CDNF: variants seen among roughly 807,000 people sequenced by gnomAD.
The protein encoded by CDNF is cerebral dopamine neurotrophic factor.
Under a neutral mutation model 14.8 loss-of-function variants are expected in CDNF, and 9 were observed. The ratio of observed to expected loss-of-function variants is 0.61; its 90% CI spans 0.37 to 1.06. The LOEUF is 1.06. CDNF is among the 50% of genes least tolerant of loss of function. The pLI, the probability that CDNF is intolerant of heterozygous loss-of-function variation, is 0.01. For synonymous variants in CDNF, 86 were observed against 87.2 expected (o/e 0.99, Z 0.07); for missense variants, 228 against 228.4 (o/e 1.00, Z 0.01).
intron 3 of CDNF, among the ~76,000 whole-genome samples, chr10:14,824,605 CAAAAAAAAAAA>C (rs572648812): frequency 1.5e-5 from 1 of 64,664 alleles, no homozygotes; most frequent in Non-Finnish European, 3.2e-5. Flanking sequence ...GACTTCCCCT[CAAAAAAAAAAA>C]AAAAAAAAAA....
chr10:14,820,566 A>C (rs1833729519), intron 3 of CDNF, among the ~76,000 whole-genome samples: 1 of 151,764 alleles, frequency 6.6e-6, no homozygotes, highest in South Asian at 2.1e-4. Context: ...ACCTCTACTA[A>C]AAAAAGAAAC....
chr10:14,819,324 G>A lies in CDNF; in HGVS notation c.*656C>T. On this transcript the variant is annotated 3_prime_UTR_variant, in exon 4 of 4. Coordinates refer to ENST00000465530, the MANE Select transcript of CDNF (RefSeq NM_001029954.3). ...AACTTGTCTGATATGTGACTGTAAG[G>A]AATGAAAAAGACCTTGAGCTTGGTT... is the stretch of plus-strand genomic sequence containing the variant. 6.6e-6 allele frequency: 1 copy of A among 152,164 alleles called. No homozygotes were observed. The highest frequency in any genetic ancestry group is 1.9e-4 in the East Asian group (1 of 5,200). The allele number at this position is 152,164 out of a possible 1,614,324, so 9.4% of individuals were successfully genotyped here.
rs371369967 is a variant in CDNF, at chr10:14,823,747, G to C, written c.385+1732C>G. Among the ~76,000 whole-genome samples, 19 of 152,284 alleles carry C rather than the reference G, an allele frequency of 1.2e-4. No homozygotes were observed. In the East Asian group the frequency reaches 2.3e-3, roughly 19 times the overall value. ...TCACCATGTTGCCCAGGTTGGTCTT[G>C]AACTCCTGGGCTCAAATGATCCTCC... On this transcript the variant is annotated intron_variant, in intron 3 of 3. Coordinates refer to ENST00000465530, the MANE Select transcript of CDNF (RefSeq NM_001029954.3).
At chr10:14,837,689 T>C in intron 1 of CDNF, 143 bp downstream of exon 1, 1 of 596,842 alleles carries the variant, frequency 1.7e-6, no homozygotes, top group South Asian at 2.1e-5. Flanking sequence ...CGAGCTGGGC[T>C]TGGGCGATCT....
In CDNF at chr10:14,820,155, T is replaced by C; in HGVS notation, c.389A>G (p.Lys130Arg). Reference sequence around the variant, plus strand: ...GTCAACTGATGCCAAGTCCAGTGTTTTTTCTAAATGGCAAAAAGGAAAAAA... The same window carrying C: ...GTCAACTGATGCCAAGTCCAGTGTTCTTTCTAAATGGCAAAAAGGAAAAAA... ...DSQICELKYE[K>R]TLDLASVDLR... The change falls in exon 4 of 4, where the codon AAA becomes AGA. Residue 130 changes from lysine to arginine, a missense_variant. Lys to Arg is a conservative substitution (Grantham distance 26). Transcript: ENST00000465530. The C allele has an allele frequency of 6.2e-7, 1 of 1,603,448 alleles. No individual in the cohort carries two copies.
At chr10:14,835,778 T>C (rs1833880941) in intron 1 of CDNF, among the ~76,000 whole-genome samples, 1 of 152,188 alleles carries the variant, frequency 6.6e-6, no homozygotes, top group African/African-American at 2.4e-5. Context: ...ATAATAGGAC[T>C]CACAGACTTG....
chr10:14,826,200 A>C lies in CDNF; in HGVS notation c.244-580T>G, dbSNP rs1470466327. On this transcript the variant is annotated intron_variant, in intron 2 of 3. Coordinates refer to ENST00000465530, the MANE Select transcript of CDNF (RefSeq NM_001029954.3). Reference sequence around the variant, plus strand: ...GCAGCAGAAGCAGAAGCAGCAGAAGAAGAAGAAGAAGAAGAAGAAGCAGAA... The same window carrying C: ...GCAGCAGAAGCAGAAGCAGCAGAAGCAGAAGAAGAAGAAGAAGAAGCAGAA... Among the ~76,000 whole-genome samples, 65 of 147,972 alleles carry C rather than the reference A, an allele frequency of 4.4e-4. 2 individuals carry two copies. The highest frequency in any genetic ancestry group is 1.2e-3 in the African/African-American group (48 of 38,488).
rs1462290329 is a variant in CDNF, at chr10:14,825,498, C to A, written c.366G>T (p.Gln122His). The change falls in exon 3 of 4, where the codon CAG (glutamine) becomes CAT (histidine). Residue 122 changes from glutamine (Q) to histidine (H), a missense_variant. Gln to His is a conservative substitution (Grantham distance 24, BLOSUM62 0). Coordinates refer to ENST00000465530, the MANE Select transcript of CDNF (RefSeq NM_001029954.3). ...TTATACCATATTTCAGCTCACAGAT[C>A]TGGCTATCCAACTTCTTCAGCTTCT... is the stretch of plus-strand genomic sequence containing the variant. ...ICEKLKKLDS[Q>H]ICELKYEKTL... 6.2e-7 allele frequency: 1 copy of A among 1,614,078 alleles called. No homozygotes were observed. The highest frequency in any genetic ancestry group is 8.5e-7 in the Non-Finnish European group (1 of 1,179,998).
In CDNF at chr10:14,820,082, C is replaced by A. The variant is rs367910630; in HGVS notation, c.462G>T (p.Trp154Cys). 1.2e-5 allele frequency: 19 copies of A among 1,614,020 alleles called. No homozygotes were observed. Among genetic ancestry groups the A allele is most frequent in the Non-Finnish European group, 1.6e-5 (19 of 1,180,002 alleles). ...VAELKQILHS[W>C]GEECRACAEK... ...CTGCACAGGCCCTGCACTCCTCCCCCCAGCTATGCAGGATCTGCTTCAGCT... is the reference window on the plus strand; with the variant it reads ...CTGCACAGGCCCTGCACTCCTCCCCACAGCTATGCAGGATCTGCTTCAGCT... The change falls in exon 4 of 4, where the codon TGG (tryptophan) becomes TGT (cysteine). Residue 154 changes from tryptophan to cysteine, a missense_variant. Physicochemically the swap from Trp to Cys is radical, Grantham distance 215. Transcript: ENST00000465530.
intron 1 of CDNF, among the ~76,000 whole-genome samples, chr10:14,830,387 C>T (rs766368570): frequency 6.6e-6 from 1 of 152,208 alleles, no homozygotes; most frequent in Non-Finnish European, 1.5e-5. Flanking sequence ...CCTGAAGCCA[C>T]TGCAGGGGTG....
intron 1 of CDNF, among the ~76,000 whole-genome samples, chr10:14,833,817 A>C (rs924098331): frequency 6.6e-6 from 1 of 152,206 alleles, no homozygotes; most frequent in African/African-American, 2.4e-5. Flanking sequence ...ATGGAAAACA[A>C]CCAGAAAAAG....
At chr10:14,821,194 T>G (rs1190824204) in intron 3 of CDNF, among the ~76,000 whole-genome samples, 1 of 151,958 alleles carries the variant, frequency 6.6e-6, no homozygotes, top group Admixed American at 6.6e-5. Flanking sequence ...GCATGATCTC[T>G]GCTCACTGCA....
intron 2 of CDNF, among the ~76,000 whole-genome samples, chr10:14,826,344 A>AAGCAGAAGC (rs1159194756): frequency 2.7e-5 from 4 of 148,822 alleles, no homozygotes; most frequent in Non-Finnish European, 6.0e-5. Flanking sequence ...GAAGCAGCAG[A>AAGCAGAAGC]AGCAGAAGCA....
intron 1 of CDNF, among the ~76,000 whole-genome samples, chr10:14,833,898 CAG>C (rs1250400567): frequency 6.6e-6 from 1 of 152,078 alleles, no homozygotes; most frequent in African/African-American, 2.4e-5. Context: ...CAAGTGAACA[CAG>C]TGTTAAAAGG....
At chr10:14,825,372 G>T in intron 3 of CDNF, 107 bp downstream of exon 3, 2 of 1,115,980 alleles carry the variant, frequency 1.8e-6, no homozygotes, top group Non-Finnish European at 2.6e-6. Flanking sequence ...TTGATGAGTG[G>T]TGAATTTCTT....
chr10:14,831,584 T>TA lies in CDNF; in HGVS notation c.116-3313_116-3312insT, dbSNP rs1399214964. Among the ~76,000 whole-genome samples, 460 of 148,962 alleles carry TA rather than the reference T, an allele frequency of 3.1e-3. 1 individual carries two copies. The highest frequency in any genetic ancestry group is 0.014 in the Middle Eastern group (4 of 284). On this transcript the variant is annotated intron_variant, in intron 1 of 3. Transcript: ENST00000465530. ...CACACACACATATATATATATATAT[T>TA]TTTTTTCAAGATGGAGTCTCGCTCT...
intron 1 of CDNF, among the ~76,000 whole-genome samples, chr10:14,829,252 A>G (rs1253342727): frequency 6.6e-6 from 1 of 152,254 alleles, no homozygotes; most frequent in African/African-American, 2.4e-5. Context: ...AAAAACCTGA[A>G]TAAGAATCCT....
chr10:14,834,340 C>CA (rs1189292435), intron 1 of CDNF: 2,195 of 132,990 alleles, frequency 0.017, 62 homozygotes, highest in African/African-American at 0.054. Flanking sequence ...GGCTCTGTCT[C>CA]AAAAAAAAAA....
At chr10:14,823,295 C>A (rs950156198) in intron 3 of CDNF, among the ~76,000 whole-genome samples, 1 of 152,138 alleles carries the variant, frequency 6.6e-6, no homozygotes, top group Non-Finnish European at 1.5e-5. Context: ...CCCCAAAACT[C>A]CAAAGTAAAG....
Sources: gnomAD v4.1 joint callset for allele counts (sites outside exome capture counted in the v4.1 genomes callset) on GRCh38, gnomAD v4.1.1 for gene constraint, MANE v1.5 for transcripts, NCBI Gene and HGNC (gene_info 2026-07-23, HGNC 2026-07-21) for gene names.